Variants in MRTFB observed in about 807,000 individuals in gnomAD.
MRTFB encodes myocardin-related transcription factor B.
MRTFB carries 29 observed loss-of-function variants against 104.2 expected under a neutral mutation model. The ratio of observed to expected loss-of-function variants is 0.28; its 90% CI spans 0.21 to 0.38. The LOEUF is 0.38. Ranked by LOEUF, MRTFB falls within the 10% of genes least tolerant of loss-of-function variation. The pLI is 1.00. For missense variants in MRTFB, 1,270 were observed against 1,341.6 expected (o/e 0.95, Z 0.83); for synonymous variants, 535 against 519.5 (o/e 1.03, Z -0.41).
At position 14,177,903 on chromosome 16, in the gene MRTFB, G is replaced by GGGGT. The variant is rs1555495148; in HGVS notation, c.155-32339_155-32338insGGTG. On this transcript the variant is annotated intron_variant, in intron 3 of 16. Coordinates refer to ENST00000571589, the MANE Select transcript of MRTFB (RefSeq NM_001308142.2). The surrounding 1 kb of genome is among the most constrained non-coding windows in gnomAD (Gnocchi z 4.7). Reference sequence around the variant, plus strand: ...CGAGAAGTACATGAACCAGAGGTAGGGTGTGTGTGTGTGTGTGTGTGTGTG... The same window carrying GGGGT: ...CGAGAAGTACATGAACCAGAGGTAGGGGGTGTGTGTGTGTGTGTGTGTGTGTGTG... Among the ~76,000 whole-genome samples, 1,233 of 146,068 alleles carry GGGGT rather than the reference G, an allele frequency of 8.4e-3. 13 individuals are homozygous for GGGGT. Among genetic ancestry groups the GGGGT allele is most frequent in the African/African-American group, 0.029 (1,148 of 40,226 alleles).
the MRTFB span, among the ~76,000 whole-genome samples, chr16:14,047,053 A>G: frequency 6.6e-6 from 1 of 152,228 alleles, no homozygotes; most frequent in Non-Finnish European, 1.5e-5. Context: ...GTTGTGAATA[A>G]GACAGACGTG....
At chr16:14,084,896 C>T (rs2034607697) in intron 2 of MRTFB, among the ~76,000 whole-genome samples, 1 of 152,194 alleles carries the variant, frequency 6.6e-6, no homozygotes, top group South Asian at 2.1e-4. Context: ...TAATAAAAAG[C>T]CAATTAACTA....
intron 14 of MRTFB, 53 bp downstream of exon 14, chr16:14,252,076 A>G: frequency 5.7e-6 from 9 of 1,582,672 alleles, no homozygotes. Context: ...GCATCAAATC[A>G]TTCCAAAGCC....
In MRTFB at chr16:14,259,389, A is replaced by G. The variant is rs780399217; in HGVS notation, c.2764+1228A>G. On this transcript the variant is annotated intron_variant, in intron 16 of 16. Transcript: ENST00000571589. ...TAAAATGAGATTTTTTTTAATGACA[A>G]AGTATCCAGTAAGTATATTATTTCA... Among the ~76,000 whole-genome samples the G allele has an allele frequency of 2.0e-5, 3 of 152,296 alleles. No homozygotes were observed. In the South Asian group the frequency reaches 6.2e-4, roughly 32 times the overall value.
At chr16:14,013,897 C>A in the MRTFB span, among the ~76,000 whole-genome samples, 14 of 152,346 alleles carry the variant, frequency 9.2e-5, no homozygotes, top group African/African-American at 3.1e-4. Context: ...ACCTCCTGAT[C>A]TTGCCTCCAG....
chr16:14,021,864 C>T, the MRTFB span, among the ~76,000 whole-genome samples: 62 of 152,238 alleles, frequency 4.1e-4, no homozygotes, highest in Non-Finnish European at 7.3e-4. Flanking sequence ...AGTTGCGAAT[C>T]GTGCTGCTAT....
At chr16:14,061,223 C>T in the MRTFB span, among the ~76,000 whole-genome samples, 1 of 152,160 alleles carries the variant, frequency 6.6e-6, no homozygotes, top group East Asian at 1.9e-4. Flanking sequence ...GAGGGCTCTT[C>T]TCAACAGAGC....
At chr16:14,140,828 C>G in intron 3 of MRTFB, 68 bp downstream of exon 3, 1 of 1,587,414 alleles carries the variant, frequency 6.3e-7, no homozygotes, top group South Asian at 1.1e-5. Flanking sequence ...CCAGTTTATT[C>G]CTGTTTGGTA....
chr16:14,095,906 TA>T (rs2035335365), intron 2 of MRTFB, among the ~76,000 whole-genome samples: 1 of 152,186 alleles, frequency 6.6e-6, no homozygotes, highest in South Asian at 2.1e-4. Flanking sequence ...TGCTTACAAG[TA>T]GTGTCTAATG....
chr16:14,220,835 A>G (rs1166692539), intron 8 of MRTFB, among the ~76,000 whole-genome samples: 2 of 152,196 alleles, frequency 1.3e-5, no homozygotes, highest in African/African-American at 4.8e-5. Flanking sequence ...AACAGTTCCT[A>G]TGTATACATT....
chr16:14,063,735 G>T, the MRTFB span, among the ~76,000 whole-genome samples: 8 of 152,200 alleles, frequency 5.3e-5, no homozygotes, highest in Non-Finnish European at 1.2e-4. Flanking sequence ...AGGATGGGCA[G>T]GATGTAGCAA....
the MRTFB span, among the ~76,000 whole-genome samples, chr16:14,021,291 ACT>A: frequency 6.6e-6 from 1 of 151,570 alleles, no homozygotes. Context: ...GACTGAGGTG[ACT>A]CTTTTCTGCT....
chr16:14,071,817 C>T (rs1345912918), intron 1 of MRTFB, among the ~76,000 whole-genome samples: 1 of 152,212 alleles, frequency 6.6e-6, no homozygotes, highest in Non-Finnish European at 1.5e-5. Flanking sequence ...CCTCTTCCCA[C>T]CTCCCACTCC....
chr16:14,126,591 A>G (rs1463719112), intron 2 of MRTFB, among the ~76,000 whole-genome samples: 1 of 152,228 alleles, frequency 6.6e-6, no homozygotes, highest in African/African-American at 2.4e-5. Context: ...AGACAGAATA[A>G]TAACACTAAT....
the MRTFB span, among the ~76,000 whole-genome samples, chr16:14,006,607 C>G: frequency 6.6e-6 from 1 of 151,904 alleles, no homozygotes; most frequent in African/African-American, 2.4e-5. Flanking sequence ...ACATGCATGT[C>G]TTTCTGCGTT....
At chr16:14,178,188 A>G (rs1271432644) in intron 3 of MRTFB, among the ~76,000 whole-genome samples, 2 of 152,180 alleles carry the variant, frequency 1.3e-5, no homozygotes, top group East Asian at 3.9e-4. Context: ...ATGGCAAGAA[A>G]AAAATTTACT....
intron 3 of MRTFB, 106 bp downstream of exon 3, chr16:14,140,866 G>T: frequency 1.6e-6 from 2 of 1,284,812 alleles, no homozygotes; most frequent in South Asian, 2.7e-5. Context: ...TCAGCAGTCT[G>T]TCATGGAGGA....
chr16:14,073,313 C>T (rs909796640), intron 1 of MRTFB, among the ~76,000 whole-genome samples: 1 of 152,228 alleles, frequency 6.6e-6, no homozygotes, highest in African/African-American at 2.4e-5. Flanking sequence ...CCCCCAAACC[C>T]TAAATGCCAG....
chr16:14,048,194 T>C, the MRTFB span, among the ~76,000 whole-genome samples: 1 of 152,166 alleles, frequency 6.6e-6, no homozygotes, highest in African/African-American at 2.4e-5. Flanking sequence ...ATGTCTCACA[T>C]CCAGGTCTCA....
Sources: gnomAD v4.1 joint callset for allele counts (sites outside exome capture counted in the v4.1 genomes callset) on GRCh38, gnomAD v4.1.1 for gene constraint, Gnocchi (gnomAD v3.1) non-coding constraint, MANE v1.5 for transcripts, NCBI Gene and HGNC (gene_info 2026-07-23, HGNC 2026-07-21) for gene names.